TENM3: variants seen among roughly 807,000 people sequenced by gnomAD.
TENM3 encodes the protein teneurin transmembrane protein 3.
Under a neutral mutation model 255.1 loss-of-function variants are expected in TENM3, and 63 were observed. The ratio of observed to expected loss-of-function variants is 0.25; its 90% CI spans 0.20 to 0.30. TENM3 has a LOEUF of 0.30. Among genes scored for constraint, TENM3 ranks in the 10% least tolerant of loss-of-function variants. The pLI is 1.00. For missense variants in TENM3, 2,929 were observed against 3,461.1 expected, an observed-to-expected ratio of 0.85 and a Z score of 3.86; for synonymous variants, 1,306 against 1,322.3, an observed-to-expected ratio of 0.99 and a Z score of 0.27.
chr4:181,488,193 A>G, the TENM3 span, among the ~76,000 whole-genome samples: 3 of 152,230 alleles, frequency 2.0e-5, no homozygotes, highest in Non-Finnish European at 4.4e-5. Context: ...CTCACCTTGC[A>G]TGTTGATTTC....
At chr4:181,696,327 C>G in the TENM3 span, among the ~76,000 whole-genome samples, 2 of 152,102 alleles carry the variant, frequency 1.3e-5, no homozygotes, top group Non-Finnish European at 2.9e-5. Flanking sequence ...CCTCTCTCCC[C>G]TCTCCCTCAT....
chr4:181,481,387 A>T, the TENM3 span, among the ~76,000 whole-genome samples: 400 of 152,254 alleles, frequency 2.6e-3, 3 homozygotes, highest in African/African-American at 9.3e-3. Flanking sequence ...CAAAGATTTT[A>T]TCATTTCCGT....
At chr4:182,434,212 C>A (rs1771877125) in intron 3 of TENM3, among the ~76,000 whole-genome samples, 1 of 151,906 alleles carries the variant, frequency 6.6e-6, no homozygotes, top group African/African-American at 2.4e-5. Flanking sequence ...AATTACTTCT[C>A]ATTGAACATG....
the TENM3 span, among the ~76,000 whole-genome samples, chr4:181,484,801 G>A: frequency 1.2e-4 from 18 of 151,858 alleles, no homozygotes; most frequent in Admixed American, 6.6e-4. Context: ...GGAAAGAGGC[G>A]GTAATGAAAG....
the TENM3 span, among the ~76,000 whole-genome samples, chr4:181,558,818 A>G: frequency 6.6e-6 from 1 of 152,250 alleles, no homozygotes; most frequent in African/African-American, 2.4e-5. Flanking sequence ...CCTGCATGCA[A>G]GAAAAGTTTT....
the TENM3 span, among the ~76,000 whole-genome samples, chr4:181,553,627 G>A: frequency 6.6e-6 from 1 of 151,912 alleles, no homozygotes; most frequent in Non-Finnish European, 1.5e-5. Flanking sequence ...ATTTTTAGTA[G>A]AGACGGGGTT....
upstream of TENM3, among the ~76,000 whole-genome samples, chr4:182,240,294 T>C (rs958365664): frequency 3.3e-5 from 5 of 152,082 alleles, no homozygotes; most frequent in African/African-American, 1.2e-4. Flanking sequence ...TCCACTGAGA[T>C]CAACGGAATG....
chr4:182,291,281 A>G (rs1176891871), intron 1 of TENM3, among the ~76,000 whole-genome samples: 2 of 152,014 alleles, frequency 1.3e-5, no homozygotes, highest in African/African-American at 4.8e-5. Context: ...CCATGGCCCC[A>G]TTTGTCCCTG....
intron 16 of TENM3, among the ~76,000 whole-genome samples, chr4:182,731,617 CA>C (rs899828461): frequency 1.3e-5 from 2 of 149,576 alleles, no homozygotes; most frequent in Non-Finnish European, 3.0e-5. Context: ...AAAACAAAAC[CA>C]AAAAAAACCA....
chr4:182,567,393 G>A (rs1743899612), intron 3 of TENM3, among the ~76,000 whole-genome samples: 1 of 152,088 alleles, frequency 6.6e-6, no homozygotes, highest in African/African-American at 2.4e-5. Flanking sequence ...TCTCAACATA[G>A]GCCAGAGCAA....
chr4:181,619,614 A>T, the TENM3 span, among the ~76,000 whole-genome samples: 1 of 151,894 alleles, frequency 6.6e-6, no homozygotes, highest in African/African-American at 2.4e-5. Context: ...TATTTTGTAG[A>T]GACGGGGTCT....
At chr4:182,095,158 A>G in the TENM3 span, among the ~76,000 whole-genome samples, 145,016 of 152,162 alleles carry the variant, frequency 0.95, 69,459 homozygotes, top group East Asian at 1. Context: ...CATATGATCC[A>G]GCAATCGCAC....
exon 1 of TENM3, chr4:182,144,711 C>G (rs1306855156): frequency 2.1e-5 from 3 of 145,782 alleles, no homozygotes; most frequent in Non-Finnish European, 3.1e-5. Flanking sequence ...GACGCGGCGG[C>G]TGCTGCCGGG....
At chr4:182,055,349 C>CAATAAATAAATAAATA in the TENM3 span, among the ~76,000 whole-genome samples, 9,582 of 148,780 alleles carry the variant, frequency 0.064, 788 homozygotes, top group African/African-American at 0.19. Flanking sequence ...TGTCTCAAAA[C>CAATAAATAAATAAATA]AATAAATAAA....
At chr4:182,065,169 G>A in the TENM3 span, among the ~76,000 whole-genome samples, 1 of 151,774 alleles carries the variant, frequency 6.6e-6, no homozygotes, top group Admixed American at 6.6e-5. Flanking sequence ...TGAGAAGCTG[G>A]GACTATAGGC....
chr4:182,653,348 G>C (rs926096947), intron 5 of TENM3, among the ~76,000 whole-genome samples: 1 of 152,196 alleles, frequency 6.6e-6, no homozygotes, highest in Non-Finnish European at 1.5e-5. Context: ...CGCAAAGGTA[G>C]AGGATCATGT....
At chr4:181,950,312 C>T in the TENM3 span, among the ~76,000 whole-genome samples, 1 of 151,950 alleles carries the variant, frequency 6.6e-6, no homozygotes, top group African/African-American at 2.4e-5. Context: ...TATCTTCCTT[C>T]GCTGAGTCCC....
the TENM3 span, among the ~76,000 whole-genome samples, chr4:181,684,888 G>A: frequency 6.7e-6 from 1 of 148,684 alleles, no homozygotes; most frequent in Admixed American, 6.7e-5. Context: ...CCAGATAGCT[G>A]GGACTACAGG....
chr4:181,694,242 C>T, the TENM3 span, among the ~76,000 whole-genome samples: 7 of 152,172 alleles, frequency 4.6e-5, no homozygotes, highest in African/African-American at 1.7e-4. Context: ...ATCAGAAAAA[C>T]CTGAGATTTG....
Sources: allele counts gnomAD v4.1 joint callset (sites outside exome capture counted in the v4.1 genomes callset), GRCh38; gene constraint gnomAD v4.1.1; transcripts MANE v1.5; gene names NCBI Gene and HGNC (gene_info 2026-07-23, HGNC 2026-07-21).